The following CSGALNACT1 variants were observed in gnomAD, a reference collection of about 807,000 sequenced individuals.
CSGALNACT1 encodes beta4GalNAcT-1.
A neutral mutation model predicts 51.0 loss-of-function variants in CSGALNACT1; 52 were observed. The ratio of observed to expected loss-of-function variants is 1.02; its 90% CI spans 0.82 to 1.29. CSGALNACT1 has a LOEUF of 1.29. Ranked by LOEUF, CSGALNACT1 falls within the 50% of genes most tolerant of loss-of-function variation. CSGALNACT1 has a pLI of 0.00. For missense variants in CSGALNACT1, 935 were observed against 679.2 expected (o/e 1.38, Z -4.19); for synonymous variants, 341 against 254.4 (o/e 1.34, Z -3.24).
At chr8:19,540,413 C>A (rs534273253) in intron 3 of CSGALNACT1, among the ~76,000 whole-genome samples, 1 of 152,160 alleles carries the variant, frequency 6.6e-6, no homozygotes, top group Non-Finnish European at 1.5e-5. Context: ...CGTACCCCAT[C>A]GGCTCACTGT....
intron 5 of CSGALNACT1, among the ~76,000 whole-genome samples, chr8:19,456,942 A>G (rs537624157): frequency 6.6e-6 from 1 of 152,362 alleles, no homozygotes; most frequent in South Asian, 2.1e-4. Context: ...AGACTTGTTC[A>G]GTCCTCCAGA....
intron 5 of CSGALNACT1, among the ~76,000 whole-genome samples, chr8:19,450,492 G>A (rs1380331590): frequency 6.6e-6 from 1 of 152,084 alleles, no homozygotes; most frequent in African/African-American, 2.4e-5. Context: ...GGGGCATCCG[G>A]GGGAGAAGAA....
intron 3 of CSGALNACT1, among the ~76,000 whole-genome samples, chr8:19,555,983 G>A (rs538025562): frequency 6.6e-6 from 1 of 152,130 alleles, no homozygotes; most frequent in Non-Finnish European, 1.5e-5. Flanking sequence ...TCAGGAACCG[G>A]CATTCTGTGG....
At chr8:19,746,457 G>T (rs1248412579) in intron 1 of CSGALNACT1, among the ~76,000 whole-genome samples, 1 of 152,146 alleles carries the variant, frequency 6.6e-6, no homozygotes, top group Non-Finnish European at 1.5e-5. Flanking sequence ...AGGAACCTGG[G>T]TTCTATTCTC....
intron 3 of CSGALNACT1, among the ~76,000 whole-genome samples, chr8:19,537,595 C>T (rs1379120719): frequency 6.6e-6 from 1 of 152,214 alleles, no homozygotes; most frequent in Non-Finnish European, 1.5e-5. Context: ...TCCAAGCCTA[C>T]AGGATGGGAA....
At chr8:19,407,589 C>G (rs1585298322) in intron 9 of CSGALNACT1, among the ~76,000 whole-genome samples, 1 of 152,176 alleles carries the variant, frequency 6.6e-6, no homozygotes, top group African/African-American at 2.4e-5. Context: ...GGCCTCTATT[C>G]TCATCCTGAC....
chr8:19,735,193 C>G (rs1236478503), intron 1 of CSGALNACT1, among the ~76,000 whole-genome samples: 5 of 152,068 alleles, frequency 3.3e-5, no homozygotes, highest in Admixed American at 2.6e-4. Flanking sequence ...AGCATTGGCT[C>G]TGGGTGAAAA....
Position 19,517,969 on chromosome 8 carries a change from G to A in CSGALNACT1, c.-296-11839C>T, listed in dbSNP as rs915878061. ...ATGTGTCAAACTAACATTCTTCTGT[G>A]CAGGCAGAAACCAGCCCTGGCACTG... On this transcript the variant is annotated intron_variant, in intron 3 of 9. Coordinates refer to ENST00000454498, the Ensembl canonical transcript of CSGALNACT1. Among the ~76,000 whole-genome samples the A allele has an allele frequency of 4.6e-5, 7 of 152,276 alleles. 1 individual carries two copies. Among genetic ancestry groups the A allele is most frequent in the South Asian group, 2.1e-4 (1 of 4,822 alleles).
At chr8:19,505,149 G>A (rs2077061169) in intron 4 of CSGALNACT1, 52 bp downstream of exon 3, 4 of 1,607,648 alleles carry the variant, frequency 2.5e-6, no homozygotes, top group African/African-American at 2.7e-5. Flanking sequence ...TGGGTGCCAG[G>A]AACCCCCAAT....
intron 1 of CSGALNACT1, among the ~76,000 whole-genome samples, chr8:19,748,940 G>C (rs1003548398): frequency 4.0e-5 from 6 of 151,744 alleles, no homozygotes; most frequent in Admixed American, 1.3e-4. Flanking sequence ...ACTCCAACCT[G>C]GGTGACAGAG....
At chr8:19,506,615 T>C (rs931197323) in intron 3 of CSGALNACT1, among the ~76,000 whole-genome samples, 1 of 152,194 alleles carries the variant, frequency 6.6e-6, no homozygotes, top group Admixed American at 6.5e-5. Flanking sequence ...GGGAAGTGTT[T>C]AGATCATGGG....
At chr8:19,543,250 C>A (rs757461871) in intron 3 of CSGALNACT1, among the ~76,000 whole-genome samples, 2 of 152,176 alleles carry the variant, frequency 1.3e-5, no homozygotes, top group African/African-American at 4.8e-5. Flanking sequence ...CCTCCCCCAT[C>A]CTATACTTCA....
At chr8:19,717,276 G>A (rs908514562) in intron 1 of CSGALNACT1, among the ~76,000 whole-genome samples, 15 of 152,174 alleles carry the variant, frequency 9.9e-5, no homozygotes, top group Admixed American at 2.0e-4. Context: ...CATTAACCTC[G>A]TGTGACAGAG....
intron 2 of CSGALNACT1, among the ~76,000 whole-genome samples, chr8:19,601,268 G>C (rs949794469): frequency 2.0e-5 from 3 of 152,156 alleles, no homozygotes; most frequent in Non-Finnish European, 4.4e-5. Flanking sequence ...GTCCCTCTAA[G>C]ACACCATATG....
At chr8:19,702,289 C>A (rs1158775318) in intron 1 of CSGALNACT1, among the ~76,000 whole-genome samples, 3 of 152,058 alleles carry the variant, frequency 2.0e-5, no homozygotes, top group Non-Finnish European at 4.4e-5. Context: ...CTTTGGGAGG[C>A]TGAGGCAGAA....
chr8:19,530,222 A>AAAAACAAAAC (rs58765246), intron 3 of CSGALNACT1, among the ~76,000 whole-genome samples: 3 of 150,080 alleles, frequency 2.0e-5, no homozygotes, highest in African/African-American at 7.4e-5. Context: ...CTCTGGCTGA[A>AAAAACAAAAC]AAAACAAAAC....
At chr8:19,663,832 C>G (rs1406229329) in intron 1 of CSGALNACT1, among the ~76,000 whole-genome samples, 6 of 152,242 alleles carry the variant, frequency 3.9e-5, no homozygotes, top group Non-Finnish European at 8.8e-5. Context: ...CAGCCCTTCT[C>G]CTCCATCCCA....
intron 3 of CSGALNACT1, among the ~76,000 whole-genome samples, chr8:19,570,566 C>T (rs893051618): frequency 1.3e-5 from 2 of 152,100 alleles, no homozygotes; most frequent in Admixed American, 1.3e-4. Context: ...GTTTCCAAGG[C>T]ATTCAGGACA....
chr8:19,461,700 C>A lies in CSGALNACT1; in HGVS notation c.635-3058G>T, dbSNP rs535908372. On this transcript the variant is annotated intron_variant, in intron 4 of 9. Transcript: ENST00000454498. The stretch of plus-strand genomic sequence containing the variant: ...GCCACATTCACCATGGGGGGCGTAT[C>A]CGCACAGCACACACATTCACCATGG... Among the ~76,000 whole-genome samples, 334 of 151,206 alleles carry A rather than the reference C, an allele frequency of 2.2e-3. 2 individuals are homozygous for A. Among genetic ancestry groups the A allele is most frequent in the Non-Finnish European group, 3.3e-3 (220 of 67,610 alleles).
Sources: gnomAD v4.1 joint callset for allele counts (sites outside exome capture counted in the v4.1 genomes callset) on GRCh38, gnomAD v4.1.1 for gene constraint, MANE v1.5 for transcripts, NCBI Gene and HGNC (gene_info 2026-07-23, HGNC 2026-07-21) for gene names.